Variants in TAF3 observed in about 807,000 individuals in gnomAD.
The protein encoded by TAF3 is transcription initiation factor TFIID subunit 3.
A neutral mutation model predicts 80.6 loss-of-function variants in TAF3; 7 were observed. That is an observed-to-expected ratio of 0.09 (90% CI 0.05 to 0.16). The LOEUF (loss-of-function observed/expected upper bound fraction) is 0.16, where lower values mean the gene tolerates loss of function less well. TAF3 is among the 10% of genes least tolerant of loss of function. TAF3 has a pLI of 1.00. For missense variants in TAF3, 921 were observed against 1,140.2 expected, an observed-to-expected ratio of 0.81 and a Z score of 2.77; for synonymous variants, 444 against 446.1, an observed-to-expected ratio of 1.00 and a Z score of 0.06.
intron 2 of TAF3, among the ~76,000 whole-genome samples, chr10:7,849,834 C>T (rs535350258): frequency 6.6e-6 from 1 of 152,048 alleles, no homozygotes; most frequent in Non-Finnish European, 1.5e-5. Flanking sequence ...CATGCACCAC[C>T]ATGTCTGTCT....
rs1428541607 is a variant in TAF3, at chr10:7,988,667, C to G, written c.2315+11344C>G. On this transcript the variant is annotated intron_variant, in intron 4 of 6. Transcript: ENST00000344293. ...TTGGAAAGCTAAGGCAGGAGGACCA[C>G]TTGAGCCCAGGAGTTTGAGGCTACA... Among the ~76,000 whole-genome samples the G allele has an allele frequency of 5.0e-5, 7 of 140,156 alleles. No individual in the cohort carries two copies. In the Admixed American group the frequency reaches 5.2e-4, roughly 10 times the overall value. 91.9% of individuals were successfully genotyped at this position (140,156 alleles called of 152,430 possible). A position where few individuals can be genotyped will look rare whatever the true frequency, so the allele number is the denominator to read the frequency against.
chr10:7,884,381 A>C (rs1837388441), intron 2 of TAF3, among the ~76,000 whole-genome samples: 1 of 98,738 alleles, frequency 1.0e-5, no homozygotes, highest in Non-Finnish European at 2.2e-5. Flanking sequence ...TTCTCCAAAG[A>C]GCTCTGCCTC....
At chr10:7,906,328 G>A (rs925395508) in intron 2 of TAF3, among the ~76,000 whole-genome samples, 3 of 152,186 alleles carry the variant, frequency 2.0e-5, no homozygotes, top group Admixed American at 6.5e-5. Context: ...TTTAAATAGA[G>A]CAGGACTGGA....
rs375688181 is a variant in TAF3, at chr10:7,859,699, C to T, written c.409+35139C>T. Among the ~76,000 whole-genome samples, 325 of 152,286 alleles carry T rather than the reference C, an allele frequency of 2.1e-3. 1 individual carries two copies. Among genetic ancestry groups the T allele is most frequent in the African/African-American group, 7.3e-3 (304 of 41,548 alleles). ...CTTTTCCGCCGGGGCATTATGGCTG[C>T]ACTTTATTTTACTCATTTAGTTTGT... On this transcript the variant is annotated intron_variant, in intron 2 of 6. Transcript: ENST00000344293.
At chr10:7,973,819 A>G (rs1156411461) in intron 3 of TAF3, among the ~76,000 whole-genome samples, 2 of 152,232 alleles carry the variant, frequency 1.3e-5, no homozygotes, top group Non-Finnish European at 2.9e-5. Context: ...TAGATATAAA[A>G]CTCTTCATTT....
intron 2 of TAF3, among the ~76,000 whole-genome samples, chr10:7,886,918 A>G (rs542866303): frequency 6.6e-6 from 1 of 152,310 alleles, no homozygotes; most frequent in East Asian, 1.9e-4. Context: ...TTGAAATGTT[A>G]TCTTTTATAT....
chr10:7,939,920 C>G (rs528442864), intron 2 of TAF3, among the ~76,000 whole-genome samples: 4 of 152,104 alleles, frequency 2.6e-5, no homozygotes, highest in African/African-American at 9.6e-5. Context: ...AGAAATAACA[C>G]AAGAAAATTT....
intron 2 of TAF3, among the ~76,000 whole-genome samples, chr10:7,872,089 G>A (rs1032368044): frequency 1.1e-4 from 17 of 152,096 alleles, no homozygotes; most frequent in African/African-American, 3.6e-4. Flanking sequence ...GAAAGTCAGC[G>A]AAATTTCCAT....
rs1422471843 is a variant in TAF3, at chr10:7,977,313, C to G, written c.2305C>G (p.Gln769Glu). The change falls in exon 4 of 7, where the codon CAA becomes GAA. Residue 769 changes from glutamine (Q) to glutamate (E), a missense_variant. Coordinates refer to ENST00000344293, the MANE Select transcript of TAF3 (RefSeq NM_031923.4). ...PRLTLRVGAG[Q>E]DKIVISKVVP... ...ATTAACTCTCCGAGTCGGTGCTGGC[C>G]AAGACAAGATGTAAGTATAAACGTT... 6.2e-7 allele frequency: 1 copy of G among 1,614,018 alleles called. No individual in the cohort carries two copies. Among genetic ancestry groups the G allele is most frequent in the East Asian group, 2.2e-5 (1 of 44,872 alleles).
At chr10:7,913,596 T>C (rs561166802) in intron 2 of TAF3, among the ~76,000 whole-genome samples, 1 of 152,340 alleles carries the variant, frequency 6.6e-6, no homozygotes, top group East Asian at 1.9e-4. Flanking sequence ...TAAACTTGTG[T>C]TCTCCAGCTT....
At chr10:7,938,221 G>A (rs1837941435) in intron 2 of TAF3, among the ~76,000 whole-genome samples, 1 of 152,202 alleles carries the variant, frequency 6.6e-6, no homozygotes, top group Admixed American at 6.5e-5. Context: ...ACTTGAAGCA[G>A]TGGAGAGCCT....
chr10:7,985,320 G>T (rs1160046859), intron 4 of TAF3, among the ~76,000 whole-genome samples: 1 of 152,072 alleles, frequency 6.6e-6, no homozygotes, highest in Non-Finnish European at 1.5e-5. Flanking sequence ...TCAGCTGCTG[G>T]CCTCCATTCC....
At chr10:7,885,624 A>G (rs920262786) in intron 2 of TAF3, among the ~76,000 whole-genome samples, 3 of 152,118 alleles carry the variant, frequency 2.0e-5, no homozygotes, top group Admixed American at 6.5e-5. Context: ...CTTTGCATCT[A>G]TATTCAATTA....
chr10:7,862,670 T>C (rs1837159581), intron 2 of TAF3, among the ~76,000 whole-genome samples: 1 of 152,158 alleles, frequency 6.6e-6, no homozygotes, highest in Non-Finnish European at 1.5e-5. Flanking sequence ...GCAATCCATA[T>C]CTCCTCTTCC....
chr10:7,996,726 CTG>C (rs1463332516), intron 4 of TAF3, among the ~76,000 whole-genome samples: 5 of 151,642 alleles, frequency 3.3e-5, no homozygotes, highest in African/African-American at 1.2e-4. Flanking sequence ...CTCAGCCAGA[CTG>C]GAGTACAATA....
In TAF3 at chr10:7,964,600, A is replaced by G. The variant is rs979778565; in HGVS notation, c.1090A>G (p.Thr364Ala). 1 of 1,614,126 alleles carries G rather than the reference A, an allele frequency of 6.2e-7. No homozygotes were observed. The highest frequency in any genetic ancestry group is 8.5e-7 in the Non-Finnish European group (1 of 1,180,044). The change falls in exon 3 of 7, where the codon ACA (threonine) becomes GCA (alanine). Residue 364 changes from threonine (T) to alanine (A), a missense_variant. By Grantham distance (58) the Thr-to-Ala change is moderately conservative. Coordinates refer to ENST00000344293, the MANE Select transcript of TAF3 (RefSeq NM_031923.4). This position sits in a 1 kb window ranked among gnomAD's most constrained non-coding sequence, Gnocchi z 4.1. Reference protein sequence around the residue: ...KETIQVKQIQTPPDAGKLNSE... With the variant: ...KETIQVKQIQAPPDAGKLNSE... ...GACTATCCAGGTAAAACAAATACAG[A>G]CACCCCCTGATGCTGGGAAACTGAA... is the stretch of plus-strand genomic sequence containing the variant.
chr10:7,943,593 G>T (rs1837996547), intron 2 of TAF3, among the ~76,000 whole-genome samples: 3 of 152,158 alleles, frequency 2.0e-5, no homozygotes, highest in Admixed American at 6.6e-5. Flanking sequence ...ATTAAGATGG[G>T]CTTGAAGAAT....
intron 5 of TAF3, among the ~76,000 whole-genome samples, chr10:8,011,181 G>T (rs1322937702): frequency 1.6e-4 from 24 of 152,182 alleles, no homozygotes; most frequent in Admixed American, 1.6e-3. Flanking sequence ...GTACTAATAT[G>T]ATTGGAAAGT....
intron 2 of TAF3, among the ~76,000 whole-genome samples, chr10:7,880,855 A>G (rs928465508): frequency 2.6e-5 from 4 of 152,236 alleles, no homozygotes; most frequent in African/African-American, 7.2e-5. Context: ...ACCTACTAAT[A>G]TTACCATATC....
Sources: allele counts gnomAD v4.1 joint callset (sites outside exome capture counted in the v4.1 genomes callset), GRCh38; gene constraint gnomAD v4.1.1; non-coding constraint Gnocchi (gnomAD v3.1); transcripts MANE v1.5; gene names NCBI Gene and HGNC (gene_info 2026-07-23, HGNC 2026-07-21).